INTS6: variants seen among roughly 807,000 people sequenced by gnomAD.
The protein encoded by INTS6 is integrator complex subunit 6.
Under a neutral mutation model 104.9 loss-of-function variants are expected in INTS6, and 16 were observed. The ratio of observed to expected loss-of-function variants is 0.15; its 90% CI spans 0.10 to 0.23. The LOEUF (loss-of-function observed/expected upper bound fraction) is 0.23. Ranked by LOEUF, INTS6 falls within the 10% of genes least tolerant of loss-of-function variation. INTS6 has a pLI of 1.00. For synonymous variants in INTS6, 324 were observed against 358.7 expected (o/e 0.90, Z 1.09); for missense variants, 584 against 1,062.8 (o/e 0.55, Z 6.26).
intron 4 of INTS6, among the ~76,000 whole-genome samples, chr13:51,406,358 C>T (rs1407431703): frequency 6.6e-6 from 1 of 152,130 alleles, no homozygotes; most frequent in East Asian, 1.9e-4. Flanking sequence ...TTAAGATTTT[C>T]CTCTACCCAA....
At chr13:51,384,649 C>T (rs1233636848) in intron 7 of INTS6, 2 of 456,646 alleles carry the variant, frequency 4.4e-6, no homozygotes. Context: ...GTTCTAAAAA[C>T]CTAGCCGTTA....
At position 51,378,454 on chromosome 13, in the gene INTS6, C is replaced by A; in HGVS notation, c.1387G>T (p.Ala463Ser). 6.2e-7 allele frequency: 1 copy of A among 1,605,862 alleles called. No individual in the cohort carries two copies. Among genetic ancestry groups the A allele is most frequent in the Non-Finnish European group, 8.5e-7 (1 of 1,174,646 alleles). ...ATGACTCGATCAGATTCTATTTTGG[C>A]CTAAAGTAAAAATAAGTCAGAATTA... ...ISYLKKLSQQ[A>S]KIESDRVIGS... Residue 463 changes from alanine (A) to serine (S), a missense_variant and splice_region_variant, in exon 12 of 18, where the codon GCC becomes TCC. Ala to Ser is a moderately conservative substitution (Grantham distance 99, BLOSUM62 1). Around this residue, in one of 5 missense-constraint regions of INTS6, gnomAD observed 144 missense variants for 348.7 expected, o/e 0.41. Transcript: ENST00000311234.
chr13:51,344,143 C>T, the INTS6 span: 2 of 763,774 alleles, frequency 2.6e-6, no homozygotes, highest in Non-Finnish European at 4.5e-6. Flanking sequence ...ACCTTATGAG[C>T]AAGAGTGGAG....
chr13:51,373,698 T>C (rs941703971), intron 15 of INTS6, among the ~76,000 whole-genome samples: 3 of 152,334 alleles, frequency 2.0e-5, no homozygotes, highest in African/African-American at 7.2e-5. Flanking sequence ...CTTGACTTCA[T>C]TGACTTAAAT....
chr13:51,367,256 A>G (rs1356216481), intron 17 of INTS6, among the ~76,000 whole-genome samples: 1 of 152,028 alleles, frequency 6.6e-6, no homozygotes, highest in African/African-American at 2.4e-5. Context: ...CATATTCAAT[A>G]CAGATACAAC....
At chr13:51,439,806 A>C (rs1363932889) in intron 3 of INTS6, 5 of 152,202 alleles carry the variant, frequency 3.3e-5, no homozygotes, top group Non-Finnish European at 7.3e-5. Context: ...ACATCACATA[A>C]TGTTTTGGCC....
At chr13:51,429,785 A>AAAATATATAT (rs1156333077) in intron 4 of INTS6, among the ~76,000 whole-genome samples, 1 of 92,358 alleles carries the variant, frequency 1.1e-5, no homozygotes, top group African/African-American at 4.6e-5. Flanking sequence ...AAAAAAAAAA[A>AAAATATATAT]ATATATATAT....
At chr13:51,417,838 G>A (rs2138058030) in intron 4 of INTS6, among the ~76,000 whole-genome samples, 1 of 152,302 alleles carries the variant, frequency 6.6e-6, no homozygotes, top group South Asian at 2.1e-4. Context: ...TTTGCTGCTA[G>A]ACTCTCAATT....
rs540694711 is a variant in INTS6, at chr13:51,402,812, C to A, written c.430-7329G>T. The A allele has an allele frequency of 2.6e-5, 4 of 152,298 alleles. No individual in the cohort carries two copies. The East Asian group carries it at 5.8e-4, about 22-fold the overall frequency. 9.4% of individuals were successfully genotyped at this position (152,298 alleles called of 1,614,324 possible). A position where few individuals can be genotyped will look rare whatever the true frequency, so the allele number is the denominator to read the frequency against. ...CCTACTTCTCCATTGGTCTGAAAAACAAATGGCAGATTAGGCAGGTGACAG... is the reference window on the plus strand; with the variant it reads ...CCTACTTCTCCATTGGTCTGAAAAAAAAATGGCAGATTAGGCAGGTGACAG... On this transcript the variant is annotated intron_variant, in intron 4 of 17. Transcript: ENST00000311234.
intron 6 of INTS6, among the ~76,000 whole-genome samples, chr13:51,388,608 G>T (rs1447093089): frequency 6.6e-6 from 1 of 152,080 alleles, no homozygotes; most frequent in Non-Finnish European, 1.5e-5. Context: ...GGTCAGGCTG[G>T]TCTCAAACTC....
Position 51,452,429 on chromosome 13 carries a change from C to G in INTS6, c.97G>C (p.Glu33Gln). 1 of 1,610,248 alleles carries G rather than the reference C, an allele frequency of 6.2e-7. No homozygotes were observed. The highest frequency in any genetic ancestry group is 8.5e-7 in the Non-Finnish European group (1 of 1,177,930). ...TCAGTCGGTACCTTCATGAAGGTCT[C>G]TACCGCGCCTTTGGCCGTGTCCAGG... ...TYLDTAKGAV[E>Q]TFMKLRARDP... Residue 33 changes from glutamate (E) to glutamine (Q), a missense_variant, in exon 1 of 18, where the codon GAG becomes CAG. Transcript: ENST00000311234. This position sits in a 1 kb window ranked among gnomAD's most constrained non-coding sequence, Gnocchi z 4.2.
At chr13:51,348,529 A>G in the INTS6 span, 6 of 751,752 alleles carry the variant, frequency 8.0e-6, no homozygotes, top group South Asian at 1.8e-5. Context: ...GACTTGTTTA[A>G]TATGTATCCC....
At chr13:51,434,814 T>A (rs1009683653) in intron 3 of INTS6, among the ~76,000 whole-genome samples, 5 of 152,034 alleles carry the variant, frequency 3.3e-5, no homozygotes, top group Non-Finnish European at 7.4e-5. Context: ...CCCAGCAAAT[T>A]AAAAAAGTTT....
At chr13:51,393,952 T>A (rs1311533893) in intron 5 of INTS6, among the ~76,000 whole-genome samples, 1 of 151,942 alleles carries the variant, frequency 6.6e-6, no homozygotes, top group Admixed American at 6.6e-5. Context: ...AAGTAATTCC[T>A]AGTAAGGAAT....
At chr13:51,433,891 T>C (rs979047890) in intron 3 of INTS6, among the ~76,000 whole-genome samples, 7 of 152,206 alleles carry the variant, frequency 4.6e-5, no homozygotes, top group Admixed American at 2.6e-4. Context: ...AAAGCACTTA[T>C]CTCATTTGAC....
At chr13:51,384,427 G>A in intron 7 of INTS6, 2 of 273,354 alleles carry the variant, frequency 7.3e-6, no homozygotes, top group Non-Finnish European at 1.5e-5. Context: ...AATGAGCTAT[G>A]AGGAAATAAT....
chr13:51,386,660 T>TA (rs1956145413), intron 7 of INTS6, among the ~76,000 whole-genome samples: 2 of 152,120 alleles, frequency 1.3e-5, no homozygotes, highest in South Asian at 4.1e-4. Context: ...TTAGACTGCT[T>TA]AATGATCTCT....
chr13:51,438,341 G>A (rs558916895), intron 3 of INTS6: 1 of 150,624 alleles, frequency 6.6e-6, no homozygotes, highest in Middle Eastern at 3.4e-3. Context: ...TAATACTTGT[G>A]CCTATCATTA....
the INTS6 span, among the ~76,000 whole-genome samples, chr13:51,342,178 CAAAAAAAAAAA>C: frequency 1.9e-4 from 12 of 63,578 alleles, no homozygotes; most frequent in African/African-American, 5.3e-4. Flanking sequence ...AAAGACAGAA[CAAAAAAAAAAA>C]AAAAAAAAAA....
Sources: gnomAD v4.1 joint callset for allele counts (sites outside exome capture counted in the v4.1 genomes callset) on GRCh38, gnomAD v4.1.1 for gene constraint, gnomAD v4.1.1 regional missense constraint, Gnocchi (gnomAD v3.1) non-coding constraint, MANE v1.5 for transcripts, NCBI Gene and HGNC (gene_info 2026-07-23, HGNC 2026-07-21) for gene names.